The following NOD2 variants were observed in gnomAD, a reference collection of about 807,000 sequenced individuals.
NOD2 encodes the protein nucleotide-binding oligomerization domain-containing protein 2.
NOD2 carries 86 observed loss-of-function variants against 90.9 expected under a neutral mutation model. That is an observed-to-expected ratio of 0.95 (90% CI 0.79 to 1.13). The LOEUF (loss-of-function observed/expected upper bound fraction) is 1.13, where lower values mean the gene tolerates loss of function less well. Ranked by LOEUF, NOD2 falls within the 50% of genes most tolerant of loss-of-function variation. NOD2 has a pLI of 0.00. For missense variants in NOD2, 1,238 were observed against 1,283.8 expected (o/e 0.96, Z 0.55); for synonymous variants, 581 against 554.6 (o/e 1.05, Z -0.67).
At chr16:50,729,385 A>G (rs967721884) in intron 10 of NOD2, among the ~76,000 whole-genome samples, 7 of 151,970 alleles carry the variant, frequency 4.6e-5, no homozygotes, top group Non-Finnish European at 1.0e-4. Flanking sequence ...TGGATGGTGG[A>G]TGTGAATAGG....
chr16:50,716,506 GAA>G, intron 4 of NOD2, 79 bp from the exon 5 acceptor site: 2 of 1,325,034 alleles, frequency 1.5e-6, no homozygotes, highest in Non-Finnish European at 2.1e-6. Context: ...AGGGATGAAT[GAA>G]AGTCTTTTTG....
chr16:50,729,470 A>G (rs1965378540), intron 10 of NOD2, among the ~76,000 whole-genome samples: 2 of 152,154 alleles, frequency 1.3e-5, no homozygotes, highest in African/African-American at 2.4e-5. Context: ...CATTTTACCA[A>G]TGAGGAGATT....
At position 50,697,276 on chromosome 16, in the gene NOD2, T is replaced by G; in HGVS notation, c.-8-2212T>G. The G allele has an allele frequency of 3.8e-6, 6 of 1,560,580 alleles. No individual in the cohort carries two copies. Among genetic ancestry groups the G allele is most frequent in the Non-Finnish European group, 4.3e-6 (5 of 1,151,574 alleles). ...AAGAGGGTGGTTCAGCCTCTCACGA[T>G]GAGGAGGAAAGAGCAAGTGTCCTCC... On this transcript the variant is annotated intron_variant, in intron 1 of 11. Coordinates refer to ENST00000647318, the MANE Select transcript of NOD2 (RefSeq NM_001370466.1).
Position 50,711,890 on chromosome 16 carries a change from C to A in NOD2, c.1898C>A (p.Ala633Glu). The change falls in exon 4 of 12, where the codon GCA becomes GAA. Residue 633 changes from alanine to glutamate, a missense_variant. By Grantham distance (107) the Ala-to-Glu change is moderately radical (BLOSUM62 -1). Coordinates refer to ENST00000647318, the MANE Select transcript of NOD2 (RefSeq NM_001370466.1). The stretch of plus-strand genomic sequence containing the variant: ...TCGGAGGGAAAGGACAGCAGCGTGG[C>A]AGCTTTGCTGCAGAAGGCCGAGCCG... ...QASEGKDSSV[A>E]ALLQKAEPHN... The A allele has an allele frequency of 1.2e-6, 2 of 1,608,500 alleles. No homozygotes were observed. Among genetic ancestry groups the A allele is most frequent in the Non-Finnish European group, 1.7e-6 (2 of 1,175,672 alleles).
rs117611225 is a variant in NOD2 at position 50,697,230 on chromosome 16, C to T, written c.-8-2258C>T. On this transcript the variant is annotated intron_variant, in intron 1 of 11. Transcript: ENST00000647318. ...GCAGATGCCATGCCTGCTCCCCCAG[C>T]CTAATGGGCTTTGATGGGGGAAGAG... The T allele has an allele frequency of 4.6e-5, 72 of 1,553,488 alleles. No individual in the cohort carries two copies. The East Asian group carries it at 1.7e-3, about 37-fold the overall frequency.
chr16:50,695,762 C>G (rs1367497482), intron 1 of NOD2, among the ~76,000 whole-genome samples: 1 of 151,836 alleles, frequency 6.6e-6, no homozygotes, highest in Non-Finnish European at 1.5e-5. Flanking sequence ...ACAAATATGA[C>G]CAATGCCCCT....
intron 2 of NOD2, among the ~76,000 whole-genome samples, chr16:50,707,221 C>T (rs1235249208): frequency 6.6e-6 from 1 of 152,118 alleles, no homozygotes; most frequent in Admixed American, 6.5e-5. Context: ...AAGGTGGAGT[C>T]AACAGGATTT....
rs773388366 is a variant in NOD2, at chr16:50,729,863, G to T, written c.2931G>T (p.Leu977=). Residue 977 remains leucine (L), a synonymous_variant, in exon 11 of 12, where the codon CTG becomes CTT. Coordinates refer to ENST00000647318, the MANE Select transcript of NOD2 (RefSeq NM_001370466.1). The stretch of plus-strand genomic sequence containing the variant: ...CCTACCTAGGGGCAGAAGCCCTCCT[G>T]CAGGCCCTTGAAAGGAATGACACCA... ...CITYLGAEAL[L]QALERNDTIL... 2 of 1,613,030 alleles carry T rather than the reference G, an allele frequency of 1.2e-6. No individual in the cohort carries two copies. The highest frequency in any genetic ancestry group is 4.5e-5 in the East Asian group (2 of 44,848).
intron 4 of NOD2, chr16:50,712,599 C>T (rs1283000427): frequency 9.9e-6 from 6 of 606,080 alleles, no homozygotes; most frequent in Admixed American, 5.9e-5. Context: ...CTATGCTTTC[C>T]GGAATGACCT....
At chr16:50,705,265 A>G (rs921393288) in intron 2 of NOD2, among the ~76,000 whole-genome samples, 12 of 152,160 alleles carry the variant, frequency 7.9e-5, no homozygotes, top group Admixed American at 2.0e-4. Context: ...TCTTTGACTT[A>G]AGGATCATAA....
intron 4 of NOD2, chr16:50,715,670 C>T (rs899560612): frequency 2.6e-5 from 4 of 152,252 alleles, no homozygotes; most frequent in African/African-American, 9.6e-5. Context: ...CCCGCCTCGG[C>T]CTCCCAAAGT....
Position 50,712,296 on chromosome 16 carries a change from G to C in NOD2, c.2304G>C (p.Leu768=), listed in dbSNP as rs1164125645. 2.0e-5 allele frequency: 33 copies of C among 1,613,936 alleles called. No homozygotes were observed. The highest frequency in any genetic ancestry group is 2.5e-5 in the Non-Finnish European group (30 of 1,180,052). Residue 768 remains leucine, a synonymous_variant, in exon 4 of 12, where the codon CTG becomes CTC. Coordinates refer to ENST00000647318, the MANE Select transcript of NOD2 (RefSeq NM_001370466.1). ...AGCACCTCCGGCGGCCCGTGGCCCT[G>C]CAGCTGGACTACAACTCTGTGGGTG... The part of the protein sequence containing the change: ...VLQHLRRPVA[L]QLDYNSVGDI...
Position 50,729,599 on chromosome 16 carries a change from A to C in NOD2, c.2886-219A>C, listed in dbSNP as rs141612356. 2.5e-3 allele frequency among the ~76,000 whole-genome samples: 380 copies of C among 152,328 alleles called. 1 individual carries two copies. The highest frequency in any genetic ancestry group is 4.5e-3 in the Non-Finnish European group (309 of 68,018). Reference sequence around the variant, plus strand: ...CCTAAGGGAGTGGCTACTTAATTTGATAAACTCATCTAGTGAATGGAAGAG... The same window carrying C: ...CCTAAGGGAGTGGCTACTTAATTTGCTAAACTCATCTAGTGAATGGAAGAG... On this transcript the variant is annotated intron_variant, in intron 10 of 11. Coordinates refer to ENST00000647318, the MANE Select transcript of NOD2 (RefSeq NM_001370466.1).
intron 2 of NOD2, among the ~76,000 whole-genome samples, chr16:50,704,621 C>T (rs1025710191): frequency 2.6e-5 from 4 of 151,944 alleles, no homozygotes; most frequent in African/African-American, 9.7e-5. Context: ...GCAACCTCCA[C>T]CTCCTGGGTT....
In NOD2 at chr16:50,710,727, C is replaced by T. The variant is rs35090774; in HGVS notation, c.735C>T (p.Ser245=). Residue 245 remains serine, a synonymous_variant, in exon 4 of 12, where the codon AGC becomes AGT. Coordinates refer to ENST00000647318, the MANE Select transcript of NOD2 (RefSeq NM_001370466.1). ...DVGMAGPPQK[S]PATLGLEELF... is the part of the protein sequence containing the mutation. Reference sequence around the variant, plus strand: ...GCATGGCTGGACCCCCGCAGAAGAGCCCAGCCACCCTGGGCCTGGAGGAGC... The same window carrying T: ...GCATGGCTGGACCCCCGCAGAAGAGTCCAGCCACCCTGGGCCTGGAGGAGC... The T allele has an allele frequency of 6.3e-4, 1,019 of 1,613,754 alleles. 5 individuals are homozygous for T. The African/African-American group carries it at 0.012, about 19-fold the overall frequency.
At chr16:50,707,781 C>A in intron 2 of NOD2, 74 bp from the exon 3 acceptor site, 1 of 981,320 alleles carries the variant, frequency 1.0e-6, no homozygotes, top group Non-Finnish European at 1.7e-6. Flanking sequence ...TATGAAGTTG[C>A]AGTAATCAGT....
rs760629717 is a variant in NOD2 at position 50,707,948 on chromosome 16, C to T, written c.553C>T (p.Leu185=). The change falls in exon 3 of 12, where the codon CTG becomes TTG. Residue 185 remains leucine, a synonymous_variant. Transcript: ENST00000647318. The part of the protein sequence containing the change: ...HVQELPVPLA[L]PLEAATCKKY... ...TCAGGAATTACCAGTCCCATTGGCCCTGCCTTTGGAAGGTAGGTGTATGTT... is the reference window on the plus strand; with the variant it reads ...TCAGGAATTACCAGTCCCATTGGCCTTGCCTTTGGAAGGTAGGTGTATGTT... 1.2e-6 allele frequency: 2 copies of T among 1,610,100 alleles called. No individual in the cohort carries two copies. Among genetic ancestry groups the T allele is most frequent in the African/African-American group, 1.3e-5 (1 of 74,960 alleles).
At chr16:50,720,135 C>G (rs1211044855) in intron 7 of NOD2, 127 bp downstream of exon 7, 3 of 796,166 alleles carry the variant, frequency 3.8e-6, no homozygotes, top group Non-Finnish European at 6.2e-6. Flanking sequence ...GAGGACAAGC[C>G]AGGGAGAGAG....
chr16:50,711,690 A>G lies in NOD2; in HGVS notation c.1698A>G (p.Pro566=), dbSNP rs771570437. Reference sequence around the variant, plus strand: ...TGGTGCGTGCCAAAGGTGTCGTGCCAGGGAGTACGGCGCCCCTGGAATTCC... The same window carrying G: ...TGGTGCGTGCCAAAGGTGTCGTGCCGGGGAGTACGGCGCCCCTGGAATTCC... ...GFLVRAKGVV[P]GSTAPLEFLH... is the part of the protein sequence containing the mutation. Residue 566 remains proline, a synonymous_variant, in exon 4 of 12, where the codon CCA becomes CCG. Coordinates refer to ENST00000647318, the MANE Select transcript of NOD2 (RefSeq NM_001370466.1). 1.9e-6 allele frequency: 3 copies of G among 1,613,880 alleles called. No homozygotes were observed. Among genetic ancestry groups the G allele is most frequent in the Non-Finnish European group, 2.5e-6 (3 of 1,179,996 alleles).
Sources: allele counts gnomAD v4.1 joint callset (sites outside exome capture counted in the v4.1 genomes callset), GRCh38; gene constraint gnomAD v4.1.1; transcripts MANE v1.5; gene names NCBI Gene and HGNC (gene_info 2026-07-23, HGNC 2026-07-21).